Variants in LRRC3B observed in about 807,000 individuals in gnomAD.
LRRC3B encodes the protein leucine rich repeat containing 3B, also known as leucine-rich repeat-containing protein 3B.
Under a neutral mutation model 12.8 loss-of-function variants are expected in LRRC3B, and 2 were observed. That is an observed-to-expected ratio of 0.16 (90% CI 0.06 to 0.49). The LOEUF is 0.49. LRRC3B is among the 20% of genes least tolerant of loss of function. The pLI is 0.96. For synonymous variants in LRRC3B, 132 were observed against 122.0 expected, an observed-to-expected ratio of 1.08 and a Z score of -0.54; for missense variants, 189 against 319.4, an observed-to-expected ratio of 0.59 and a Z score of 3.11.
intron 1 of LRRC3B, among the ~76,000 whole-genome samples, chr3:26,707,948 T>G (rs541402030): frequency 2.0e-5 from 3 of 152,324 alleles, no homozygotes; most frequent in Admixed American, 2.0e-4. Context: ...TTTAAGGGAC[T>G]CGACTCAGTT....
intron 1 of LRRC3B, among the ~76,000 whole-genome samples, chr3:26,631,918 T>A (rs6777947): frequency 6.6e-6 from 1 of 151,440 alleles, no homozygotes. Flanking sequence ...CAAGGATGTG[T>A]CTGACATTGT....
At chr3:26,636,962 CTTTCTTTCTT>C (rs1328684577) in intron 1 of LRRC3B, among the ~76,000 whole-genome samples, 3,209 of 124,162 alleles carry the variant, frequency 0.026, 137 homozygotes, top group East Asian at 0.047. Flanking sequence ...TTCTTTCTTT[CTTTCTTTCTT>C]TCTCTCTCTC....
At chr3:26,670,270 G>T (rs903889967) in intron 1 of LRRC3B, among the ~76,000 whole-genome samples, 2 of 152,192 alleles carry the variant, frequency 1.3e-5, no homozygotes, top group African/African-American at 4.8e-5. Context: ...AGATGAAGCA[G>T]TCTCCTAGAA....
intron 1 of LRRC3B, among the ~76,000 whole-genome samples, chr3:26,671,371 T>TAGAGAGAGAGAG (rs1207421811): frequency 2.2e-3 from 80 of 35,944 alleles, no homozygotes; most frequent in Middle Eastern, 0.026. Context: ...TATATATATA[T>TAGAGAGAGAGAG]ATAGAGAGAG....
chr3:26,689,962 C>T (rs943563550), intron 1 of LRRC3B, among the ~76,000 whole-genome samples: 1 of 152,124 alleles, frequency 6.6e-6, no homozygotes, highest in African/African-American at 2.4e-5. Flanking sequence ...TGTGCCTCTG[C>T]TTAGACTGAA....
At chr3:26,703,068 T>A (rs1700497162) in intron 1 of LRRC3B, among the ~76,000 whole-genome samples, 1 of 152,026 alleles carries the variant, frequency 6.6e-6, no homozygotes, top group Admixed American at 6.6e-5. Context: ...CCAAACATGA[T>A]CCCAAAGACC....
chr3:26,642,541 T>G (rs187583738), intron 1 of LRRC3B, among the ~76,000 whole-genome samples: 9 of 152,252 alleles, frequency 5.9e-5, no homozygotes, highest in Admixed American at 5.9e-4. Context: ...GAGAATGACT[T>G]GGCCAAATGA....
chr3:26,640,540 T>A (rs1311321449), intron 1 of LRRC3B, among the ~76,000 whole-genome samples: 1 of 152,154 alleles, frequency 6.6e-6, no homozygotes, highest in African/African-American at 2.4e-5. Context: ...TTCTCATTCA[T>A]CCTCTTTTCC....
rs184024775 is a variant in LRRC3B, at chr3:26,624,607, T to C, written c.-161+1370T>C. 5.8e-3 allele frequency: 880 copies of C among 151,774 alleles called. 3 individuals carry two copies. Among genetic ancestry groups the C allele is most frequent in the Middle Eastern group, 0.02 (6 of 298 alleles). 9.4% of individuals were successfully genotyped at this position (151,774 alleles called of 1,614,324 possible). A position where few individuals can be genotyped will look rare whatever the true frequency, so the allele number is the denominator to read the frequency against. ...ATCGCACCTGGGCGGAGCGAGGGAG[T>C]GGGGGGAGCCCTGTGCTGCGCCCGG... On this transcript the variant is annotated intron_variant, in intron 1 of 1. Transcript: ENST00000396641.
chr3:26,652,087 G>C (rs1376209509), intron 1 of LRRC3B, among the ~76,000 whole-genome samples: 2 of 152,148 alleles, frequency 1.3e-5, no homozygotes, highest in Non-Finnish European at 2.9e-5. Context: ...AATTTTATTG[G>C]GCAATGGTGG....
chr3:26,675,033 A>G (rs1311106099), intron 1 of LRRC3B, among the ~76,000 whole-genome samples: 2 of 152,218 alleles, frequency 1.3e-5, no homozygotes, highest in African/African-American at 4.8e-5. Context: ...ACAGGCAGAA[A>G]GAACAAGAAA....
At chr3:26,657,920 T>C (rs2125420394) in intron 1 of LRRC3B, among the ~76,000 whole-genome samples, 1 of 152,314 alleles carries the variant, frequency 6.6e-6, no homozygotes, top group Middle Eastern at 3.4e-3. Flanking sequence ...GATAAGTAAA[T>C]ACCAAGAGAT....
chr3:26,696,463 T>C (rs1700320593), intron 1 of LRRC3B, among the ~76,000 whole-genome samples: 1 of 152,230 alleles, frequency 6.6e-6, no homozygotes. Flanking sequence ...TGACATTTTC[T>C]TTTAAAATGG....
intron 1 of LRRC3B, among the ~76,000 whole-genome samples, chr3:26,686,616 G>GTGTT (rs1173289358): frequency 2.0e-5 from 3 of 152,140 alleles, no homozygotes; most frequent in East Asian, 1.9e-4. Flanking sequence ...CAGAAAAAAA[G>GTGTT]TGTTAAGAAA....
intron 1 of LRRC3B, among the ~76,000 whole-genome samples, chr3:26,661,235 G>C (rs1023150942): frequency 6.6e-6 from 1 of 152,138 alleles, no homozygotes; most frequent in African/African-American, 2.4e-5. Flanking sequence ...CAGTCAAAAG[G>C]CAGATTCCTC....
intron 1 of LRRC3B, among the ~76,000 whole-genome samples, chr3:26,685,170 C>G (rs1379253682): frequency 6.6e-6 from 1 of 152,022 alleles, no homozygotes; most frequent in Non-Finnish European, 1.5e-5. Flanking sequence ...TCAGGCTGGT[C>G]TCGAACTCCC....
chr3:26,660,970 G>C (rs1699480436), intron 1 of LRRC3B, among the ~76,000 whole-genome samples: 1 of 152,174 alleles, frequency 6.6e-6, no homozygotes, highest in South Asian at 2.1e-4. Flanking sequence ...ATCCATGTAA[G>C]AGTTACTTTT....
At chr3:26,710,395 C>A (rs1488068305) in exon 2 of LRRC3B, 1 of 1,613,724 alleles carries the variant, frequency 6.2e-7, no homozygotes, top group African/African-American at 1.3e-5. Flanking sequence ...ACTTGAAATC[C>A]CTGCCAAGCA....
At chr3:26,666,810 C>T (rs963514814) in intron 1 of LRRC3B, among the ~76,000 whole-genome samples, 1 of 152,130 alleles carries the variant, frequency 6.6e-6, no homozygotes, top group Admixed American at 6.6e-5. Context: ...ACCCTTTTCT[C>T]CTCTGGTCTG....
Sources: allele counts gnomAD v4.1 joint callset (sites outside exome capture counted in the v4.1 genomes callset), GRCh38; gene constraint gnomAD v4.1.1; transcripts MANE v1.5; gene names NCBI Gene and HGNC (gene_info 2026-07-23, HGNC 2026-07-21).